Variants in UBR2 observed in about 807,000 individuals in gnomAD.
The protein encoded by UBR2 is E3 ubiquitin-protein ligase UBR2.
In UBR2, 92 loss-of-function variants were observed where a neutral mutation model predicts 247.9. The observed-to-expected ratio is 0.37, with a 90% CI of 0.31 to 0.44. The LOEUF (loss-of-function observed/expected upper bound fraction) is 0.44, where lower values mean the gene tolerates loss of function less well. UBR2 is among the 20% of genes least tolerant of loss of function. UBR2 has a pLI of 1.00. For missense variants in UBR2, 1,613 were observed against 2,112.6 expected, an observed-to-expected ratio of 0.76 and a Z score of 4.64; for synonymous variants, 672 against 693.5, an observed-to-expected ratio of 0.97 and a Z score of 0.49.
At chr6:42,592,325 G>C in intron 3 of UBR2, 96 bp downstream of exon 3, 1 of 1,003,200 alleles carries the variant, frequency 1.0e-6, no homozygotes. Flanking sequence ...ACACTAAAAT[G>C]GGGGGAGGGT....
chr6:42,649,784 C>T (rs967310562), intron 22 of UBR2, among the ~76,000 whole-genome samples: 13 of 115,336 alleles, frequency 1.1e-4, no homozygotes, highest in African/African-American at 4.2e-4. Flanking sequence ...TTTAATACAT[C>T]ACAGTACTTT....
intron 38 of UBR2, among the ~76,000 whole-genome samples, chr6:42,675,814 G>A (rs1304337320): frequency 1.3e-5 from 2 of 152,116 alleles, no homozygotes; most frequent in African/African-American, 4.8e-5. Flanking sequence ...ACAAAAAGTC[G>A]GGCATGATGT....
chr6:42,646,844 T>TAGAC (rs146046152), intron 21 of UBR2, among the ~76,000 whole-genome samples: 2,471 of 148,572 alleles, frequency 0.017, 59 homozygotes, highest in African/African-American at 0.059. Flanking sequence ...GAGAGAGAGA[T>TAGAC]AGAGTCTGGC....
In UBR2 at chr6:42,652,631, T is replaced by C; in HGVS notation, c.2755T>C (p.Ser919Pro). Reference protein sequence around the residue: ...VEHNGYAWSESMLQRVLHLIG... With the variant: ...VEHNGYAWSEPMLQRVLHLIG... ...ACATAATGGATATGCCTGGTCAGAG[T>C]CCATGCTGCAAAGGGTAGGTTTGAA... The change falls in exon 25 of 47, where the codon TCC becomes CCC. Residue 919 changes from serine (S) to proline (P), a missense_variant. Coordinates refer to ENST00000372901, the MANE Select transcript of UBR2 (RefSeq NM_001363705.2). 2 of 1,610,994 alleles carry C rather than the reference T, an allele frequency of 1.2e-6. No homozygotes were observed. The highest frequency in any genetic ancestry group is 1.7e-6 in the Non-Finnish European group (2 of 1,179,406).
intron 11 of UBR2, among the ~76,000 whole-genome samples, chr6:42,625,927 C>T (rs2151946652): frequency 6.7e-6 from 1 of 150,302 alleles, no homozygotes; most frequent in Non-Finnish European, 1.5e-5. Flanking sequence ...CATTCTCCTG[C>T]CTCAGCCTCC....
intron 36 of UBR2, among the ~76,000 whole-genome samples, chr6:42,670,996 A>G (rs1200580116): frequency 6.6e-6 from 1 of 151,846 alleles, no homozygotes; most frequent in African/African-American, 2.4e-5. Flanking sequence ...GACCAGCCTG[A>G]CCAACATGGA....
At chr6:42,641,155 A>G (rs759520477) in intron 16 of UBR2, among the ~76,000 whole-genome samples, 6 of 152,202 alleles carry the variant, frequency 3.9e-5, no homozygotes, top group Non-Finnish European at 8.8e-5. Context: ...TCACACAAAC[A>G]TATCTTAAAA....
chr6:42,623,915 A>T (rs961893153), intron 11 of UBR2, among the ~76,000 whole-genome samples: 6 of 152,108 alleles, frequency 3.9e-5, no homozygotes, highest in African/African-American at 1.4e-4. Flanking sequence ...AAATAAACCA[A>T]ACTTGGTTGT....
At position 42,670,646 on chromosome 6, in the gene UBR2, T is replaced by C; in HGVS notation, c.4031-14T>C. 6.3e-7 allele frequency: 1 copy of C among 1,577,982 alleles called. No homozygotes were observed. Among genetic ancestry groups the C allele is most frequent in the South Asian group, 1.1e-5 (1 of 87,398 alleles). On this transcript the variant is annotated splice_polypyrimidine_tract_variant and intron_variant, in intron 35 of 46. Transcript: ENST00000372901. Reference sequence around the variant, plus strand: ...AACATAACATTTACCATTTTAACCATCTTTAATCTGTAGAAAGAATTTTGA... The same window carrying C: ...AACATAACATTTACCATTTTAACCACCTTTAATCTGTAGAAAGAATTTTGA...
intron 32 of UBR2, among the ~76,000 whole-genome samples, chr6:42,665,117 T>G (rs1416245524): frequency 6.6e-6 from 1 of 152,224 alleles, no homozygotes; most frequent in African/African-American, 2.4e-5. Context: ...TAATAAGCAC[T>G]TGGTAGATAT....
rs528875067 is a variant in UBR2, at chr6:42,668,945, C to G, written c.3882-1147C>G. Among the ~76,000 whole-genome samples the G allele has an allele frequency of 4.0e-5, 6 of 150,692 alleles. No individual in the cohort carries two copies. In the South Asian group the frequency reaches 8.4e-4, roughly 21 times the overall value. ...TACTTTTTTTTTTTCTTTTTTGAGACAGAGTGTTGTTCTTGTCACCCAGGA... is the reference window on the plus strand; with the variant it reads ...TACTTTTTTTTTTTCTTTTTTGAGAGAGAGTGTTGTTCTTGTCACCCAGGA... On this transcript the variant is annotated intron_variant, in intron 34 of 46. Coordinates refer to ENST00000372901, the MANE Select transcript of UBR2 (RefSeq NM_001363705.2).
At chr6:42,607,724 T>G (rs1223743623) in intron 7 of UBR2, among the ~76,000 whole-genome samples, 1 of 142,318 alleles carries the variant, frequency 7.0e-6, no homozygotes, top group Non-Finnish European at 1.5e-5. Context: ...TTTTTTTTTT[T>G]TTTTTTTTTT....
rs1468900248 is a variant in UBR2, at chr6:42,688,341, C to T, written c.4979C>T (p.Thr1660Ile). ...GAAGGGGAGGATGTAGGAGCCTGCA[C>T]AGCTCACACCTACTCCTGTGGCTCT... ...ELEGEDVGAC[T>I]AHTYSCGSGV... The change falls in exon 45 of 47, where the codon ACA becomes ATA. Residue 1660 changes from threonine to isoleucine, a missense_variant. Thr to Ile is a moderately conservative substitution (Grantham distance 89, BLOSUM62 -1). Coordinates refer to ENST00000372901, the MANE Select transcript of UBR2 (RefSeq NM_001363705.2). 2 of 1,613,846 alleles carry T rather than the reference C, an allele frequency of 1.2e-6. No individual in the cohort carries two copies. The highest frequency in any genetic ancestry group is 1.7e-6 in the Non-Finnish European group (2 of 1,180,036).
At chr6:42,660,016 G>T (rs1276616899) in intron 30 of UBR2, among the ~76,000 whole-genome samples, 161 bp downstream of exon 30, 2 of 152,166 alleles carry the variant, frequency 1.3e-5, no homozygotes, top group Non-Finnish European at 2.9e-5. Context: ...GGCAGATGTG[G>T]AACCACTCCA....
intron 22 of UBR2, among the ~76,000 whole-genome samples, chr6:42,649,898 T>C (rs373514233): frequency 1.2e-3 from 181 of 152,336 alleles, no homozygotes; most frequent in African/African-American, 4.0e-3. Flanking sequence ...ACCCCAATAG[T>C]GTACCTGCTT....
chr6:42,647,010 T>TG (rs1582636267), intron 21 of UBR2, among the ~76,000 whole-genome samples: 1 of 151,812 alleles, frequency 6.6e-6, no homozygotes, highest in African/African-American at 2.4e-5. Context: ...TTAGTAGAGA[T>TG]GGGGGTTCTC....
chr6:42,683,799 G>C (rs957343030), intron 43 of UBR2, among the ~76,000 whole-genome samples: 4 of 152,160 alleles, frequency 2.6e-5, no homozygotes, highest in Non-Finnish European at 5.9e-5. Context: ...TTATCTGGTA[G>C]AGTATGCTTT....
intron 1 of UBR2, among the ~76,000 whole-genome samples, chr6:42,569,951 C>T (rs1346964489): frequency 1.3e-5 from 2 of 152,168 alleles, no homozygotes; most frequent in Non-Finnish European, 2.9e-5. Flanking sequence ...TCTCTTATGC[C>T]ACATGGGTGT....
At chr6:42,680,725 C>A (rs1798990363) in intron 42 of UBR2, among the ~76,000 whole-genome samples, 1 of 152,160 alleles carries the variant, frequency 6.6e-6, no homozygotes, top group Non-Finnish European at 1.5e-5. Flanking sequence ...GCTGTTCTGT[C>A]CACAAAACGG....
Sources: allele counts gnomAD v4.1 joint callset (sites outside exome capture counted in the v4.1 genomes callset), GRCh38; gene constraint gnomAD v4.1.1; transcripts MANE v1.5; gene names NCBI Gene and HGNC (gene_info 2026-07-23, HGNC 2026-07-21).